Variants in WDR27 observed in about 807,000 individuals in gnomAD.
WDR27 encodes the protein WD repeat domain 27.
WDR27 carries 100 observed loss-of-function variants against 114.4 expected under a neutral mutation model. The observed-to-expected ratio is 0.87, with a 90% CI of 0.74 to 1.03. The LOEUF is 1.03. WDR27 is among the 50% of genes least tolerant of loss of function. WDR27 has a pLI of 0.00. For missense variants in WDR27, 1,129 were observed against 1,092.9 expected, an observed-to-expected ratio of 1.03 and a Z score of -0.47; for synonymous variants, 449 against 423.1, an observed-to-expected ratio of 1.06 and a Z score of -0.75.
In WDR27 at chr6:169,701,815, C is replaced by G. The variant is rs1206484654; in HGVS notation, c.-272G>C. ...AGACCTCAGCGGAGCCGCGAGCAACCGCGCAGCCCCCGCGCTCCAGCCCTG... is the reference window on the plus strand; with the variant it reads ...AGACCTCAGCGGAGCCGCGAGCAACGGCGCAGCCCCCGCGCTCCAGCCCTG... On this transcript the variant is annotated 5_prime_UTR_variant, in exon 1 of 26. Coordinates refer to ENST00000448612, the MANE Select transcript of WDR27 (RefSeq NM_182552.5). The G allele has an allele frequency of 6.8e-6, 2 of 294,118 alleles. No homozygotes were observed. The highest frequency in any genetic ancestry group is 2.7e-5 in the South Asian group (1 of 37,256). 18.2% of individuals were successfully genotyped at this position (294,118 alleles called of 1,614,324 possible). A position where few individuals can be genotyped will look rare whatever the true frequency, so the allele number is the denominator to read the frequency against.
intron 8 of WDR27, 63 bp downstream of exon 8, chr6:169,664,103 C>A (rs1827112879): frequency 1.4e-6 from 2 of 1,451,708 alleles, no homozygotes; most frequent in Non-Finnish European, 1.8e-6. Context: ...GGGCCCTTGA[C>A]ATGGCGCCTG....
In WDR27 at chr6:169,605,042, C is replaced by T. The variant is rs116514241; in HGVS notation, c.2322-2721G>A. Among the ~76,000 whole-genome samples, 560 of 142,212 alleles carry T rather than the reference C, an allele frequency of 3.9e-3. 4 individuals are homozygous for T. Among genetic ancestry groups the T allele is most frequent in the African/African-American group, 0.014 (538 of 38,130 alleles). The allele number at this position is 142,212 out of a possible 152,430, so 93.3% of individuals were successfully genotyped here. The stretch of plus-strand genomic sequence containing the variant: ...CTTTCCTCTAAGAACTGGAACAAGA[C>T]AAGGATGCCCACTACCACCATTTCT... On this transcript the variant is annotated intron_variant, in intron 22 of 25. Transcript: ENST00000448612.
the WDR27 span, among the ~76,000 whole-genome samples, chr6:169,447,940 A>G: frequency 6.6e-6 from 1 of 152,216 alleles, no homozygotes; most frequent in African/African-American, 2.4e-5. Context: ...ACCAAAAATG[A>G]TACAACAGTA....
chr6:169,473,977 C>T (rs16888050), intron 25 of WDR27, among the ~76,000 whole-genome samples: 3,081 of 152,320 alleles, frequency 0.02, 65 homozygotes, highest in East Asian at 0.07. Flanking sequence ...ATAGCTGCCC[C>T]CATGGTTAAC....
chr6:169,566,522 CAT>C (rs1311009581), intron 25 of WDR27, among the ~76,000 whole-genome samples: 1 of 152,230 alleles, frequency 6.6e-6, no homozygotes, highest in African/African-American at 2.4e-5. Context: ...TGAGAAATGA[CAT>C]AAATATTTTG....
At chr6:169,578,374 C>T (rs965158749) in intron 24 of WDR27, among the ~76,000 whole-genome samples, 8 of 152,150 alleles carry the variant, frequency 5.3e-5, no homozygotes, top group East Asian at 1.9e-4. Flanking sequence ...GTTGTTTCAG[C>T]GTGGAAGCAC....
intron 24 of WDR27, among the ~76,000 whole-genome samples, chr6:169,578,349 G>GT (rs1324622831): frequency 6.6e-6 from 1 of 152,210 alleles, no homozygotes; most frequent in Non-Finnish European, 1.5e-5. Flanking sequence ...TCTTATGAAT[G>GT]TGAGAGGCCA....
chr6:169,438,721 T>C, the WDR27 span, among the ~76,000 whole-genome samples: 4 of 152,188 alleles, frequency 2.6e-5, no homozygotes, highest in African/African-American at 9.6e-5. Context: ...GGGCTTCCCA[T>C]AGGAAAGGCA....
At chr6:169,661,491 G>A (rs999255615) in intron 9 of WDR27, among the ~76,000 whole-genome samples, 5 of 152,098 alleles carry the variant, frequency 3.3e-5, no homozygotes, top group South Asian at 2.1e-4. Context: ...CTCCAGCTCC[G>A]CCCCAGGCAG....
downstream of WDR27, among the ~76,000 whole-genome samples, chr6:169,453,039 A>C (rs1425145418): frequency 1.3e-5 from 2 of 152,344 alleles, no homozygotes; most frequent in African/African-American, 4.8e-5. Flanking sequence ...GAGTGGCTGC[A>C]AGGGCACGGC....
chr6:169,674,942 G>A (rs1302697867), intron 2 of WDR27, among the ~76,000 whole-genome samples: 1 of 152,150 alleles, frequency 6.6e-6, no homozygotes, highest in African/African-American at 2.4e-5. Context: ...AGTACTCAGT[G>A]GGGGAGCTTT....
At chr6:169,673,506 T>C (rs4716377) in intron 2 of WDR27, among the ~76,000 whole-genome samples, 56,874 of 151,430 alleles carry the variant, frequency 0.38, 12,471 homozygotes, top group East Asian at 0.94. Flanking sequence ...AGAAAGCAAC[T>C]AGGTCGTTGA....
At chr6:169,662,565 A>T in intron 8 of WDR27, 141 bp from the exon 9 acceptor site, 3 of 1,081,510 alleles carry the variant, frequency 2.8e-6, no homozygotes, top group Non-Finnish European at 3.9e-6. Context: ...GAAAGCACTA[A>T]GGTAACACCC....
intron 25 of WDR27, among the ~76,000 whole-genome samples, chr6:169,513,051 C>G (rs1480555801): frequency 6.6e-6 from 1 of 152,206 alleles, no homozygotes; most frequent in African/African-American, 2.4e-5. Context: ...AAACTACTCT[C>G]AAACTTAGTG....
intron 23 of WDR27, among the ~76,000 whole-genome samples, chr6:169,600,578 C>G (rs895653426): frequency 6.6e-6 from 1 of 152,114 alleles, no homozygotes; most frequent in African/African-American, 2.4e-5. Flanking sequence ...AAAAATTAGA[C>G]GAATGGCTAA....
In WDR27 at chr6:169,651,944, A is replaced by T; in HGVS notation, c.1467T>A (p.Tyr489Ter). The T allele has an allele frequency of 6.2e-7, 1 of 1,613,840 alleles. No individual in the cohort carries two copies. ...VFHSKVRSSG[Y>*]ASAPHVTMFS... ...AGTTCACTCACTGTGGTGCTGACGC[A>T]TAACCAGATGACCTAACTTTACTAT... is the stretch of plus-strand genomic sequence containing the variant. The change falls in exon 14 of 26, where the codon TAT becomes TAA. Residue 489 changes from tyrosine to a stop codon, truncating the protein, a stop_gained. Coordinates refer to ENST00000448612, the MANE Select transcript of WDR27 (RefSeq NM_182552.5). LOFTEE classifies it high-confidence loss of function.
chr6:169,659,549 G>T lies in WDR27; in HGVS notation c.1130-31C>A. 1 of 1,588,842 alleles carries T rather than the reference G, an allele frequency of 6.3e-7. No individual in the cohort carries two copies. Among genetic ancestry groups the T allele is most frequent in the African/African-American group, 1.3e-5 (1 of 74,604 alleles). ...GTTGAGCGAAGACCAGGAAGAACAT[G>T]ATGGGGAGGGAGGTAGCACATACAC... On this transcript the variant is annotated intron_variant, in intron 10 of 25. Coordinates refer to ENST00000448612, the MANE Select transcript of WDR27 (RefSeq NM_182552.5). The surrounding 1 kb of genome is among the most constrained non-coding windows in gnomAD (Gnocchi z 4.3).
chr6:169,553,228 G>A (rs537854195), intron 25 of WDR27, among the ~76,000 whole-genome samples: 38 of 152,214 alleles, frequency 2.5e-4, no homozygotes, highest in African/African-American at 8.4e-4. Flanking sequence ...TGGCTGTCCC[G>A]ATGTGGCCCC....
intron 7 of WDR27, 130 bp downstream of exon 7, chr6:169,665,356 C>T: frequency 2.1e-6 from 3 of 1,434,788 alleles, no homozygotes; most frequent in Non-Finnish European, 2.7e-6. Flanking sequence ...GTCACGTTCT[C>T]AGCACTGAGG....
Sources: gnomAD v4.1 joint callset for allele counts (sites outside exome capture counted in the v4.1 genomes callset) on GRCh38, gnomAD v4.1.1 for gene constraint, Gnocchi (gnomAD v3.1) non-coding constraint, MANE v1.5 for transcripts, NCBI Gene and HGNC (gene_info 2026-07-23, HGNC 2026-07-21) for gene names.